The following RPIA variants were observed in gnomAD, a reference collection of about 807,000 sequenced individuals.
The protein encoded by RPIA is ribose-5-phosphate isomerase.
A neutral mutation model predicts 37.8 loss-of-function variants in RPIA; 29 were observed. That is an observed-to-expected ratio of 0.77 (90% CI 0.57 to 1.05). RPIA has a LOEUF of 1.05. RPIA is among the 50% of genes least tolerant of loss of function. RPIA has a pLI of 0.00. For synonymous variants in RPIA, 167 were observed against 157.0 expected, an observed-to-expected ratio of 1.06 and a Z score of -0.48; for missense variants, 385 against 413.6, an observed-to-expected ratio of 0.93 and a Z score of 0.60.
intron 3 of RPIA, among the ~76,000 whole-genome samples, chr2:88,724,124 G>T (rs1673167914): frequency 6.6e-6 from 1 of 152,034 alleles, no homozygotes; most frequent in African/African-American, 2.4e-5. Flanking sequence ...TCCTTTCACA[G>T]TTTTATGTCT....
At chr2:88,729,144 C>CTCAT in intron 3 of RPIA, 134 bp from the exon 4 acceptor site, 5 of 889,690 alleles carry the variant, frequency 5.6e-6, no homozygotes, top group Non-Finnish European at 9.1e-6. Context: ...GATCTCCTAC[C>CTCAT]TCATGGTGGG....
At chr2:88,698,667 G>A in intron 2 of RPIA, 123 bp downstream of exon 2, 2 of 872,230 alleles carry the variant, frequency 2.3e-6, no homozygotes, top group African/African-American at 3.3e-5. Flanking sequence ...TACAGAGCTG[G>A]AGAGAGGGAC....
At chr2:88,706,950 A>G (rs1291590530) in intron 3 of RPIA, among the ~76,000 whole-genome samples, 3 of 152,236 alleles carry the variant, frequency 2.0e-5, no homozygotes, top group Non-Finnish European at 4.4e-5. Flanking sequence ...CTGTAAGAGT[A>G]CAGTGAATTA....
intron 8 of RPIA, among the ~76,000 whole-genome samples, chr2:88,746,352 C>T (rs1325492127): frequency 6.6e-6 from 1 of 152,130 alleles, no homozygotes; most frequent in Non-Finnish European, 1.5e-5. Context: ...GTCGTATTAC[C>T]AGAATTTGTT....
chr2:88,699,925 C>T, intron 2 of RPIA, 84 bp from the exon 3 acceptor site: 3 of 1,417,558 alleles, frequency 2.1e-6, no homozygotes, highest in African/African-American at 1.4e-5. Context: ...CTTCCCTTGT[C>T]TGTTGGTTTC....
Position 88,738,063 on chromosome 2 carries a change from C to G in RPIA, c.825C>G (p.Ile275Met). Residue 275 changes from isoleucine (I) to methionine (M), a missense_variant, in exon 8 of 9, where the codon ATC becomes ATG. Around this residue, in one of 2 missense-constraint regions of RPIA, gnomAD observed 153 missense variants for 210.6 expected, o/e 0.73. Transcript: ENST00000283646. ...AATGGAGTGAAGTGAATACAGCTATCAAAATGATCCCAGGTAACATGAGTG... is the reference window on the plus strand; with the variant it reads ...AATGGAGTGAAGTGAATACAGCTATGAAAATGATCCCAGGTAACATGAGTG... ...VHKWSEVNTA[I>M]KMIPGVVDTG... The G allele has an allele frequency of 1.2e-6, 2 of 1,612,812 alleles. No individual in the cohort carries two copies. Among genetic ancestry groups the G allele is most frequent in the Non-Finnish European group, 1.7e-6 (2 of 1,178,860 alleles).
At chr2:88,728,460 C>T (rs546952744) in intron 3 of RPIA, among the ~76,000 whole-genome samples, 29 of 152,248 alleles carry the variant, frequency 1.9e-4, no homozygotes, top group Admixed American at 1.9e-3. Flanking sequence ...TTGTTTTTAG[C>T]AGAAAACGTT....
intron 3 of RPIA, among the ~76,000 whole-genome samples, chr2:88,703,865 T>G (rs1258247046): frequency 6.6e-6 from 1 of 152,254 alleles, no homozygotes; most frequent in Non-Finnish European, 1.5e-5. Context: ...CTTTTAAAAC[T>G]GAATGCTTTT....
intron 3 of RPIA, among the ~76,000 whole-genome samples, chr2:88,713,120 A>ATATTTT (rs1041923467): frequency 7.7e-5 from 5 of 65,290 alleles, no homozygotes; most frequent in African/African-American, 1.6e-4. Context: ...ATATATATAT[A>ATATTTT]TTTTTTTTTT....
rs531535857 is a variant in RPIA, at chr2:88,707,988, T to C, written c.402+7924T>C. ...TTGATGTCAGGGTTCCAGTATCTTC[T>C]TGATATTGAAAAAATGTTTGTCCTA... On this transcript the variant is annotated intron_variant, in intron 3 of 8. Transcript: ENST00000283646. Among the ~76,000 whole-genome samples the C allele has an allele frequency of 2.2e-4, 34 of 152,336 alleles. No individual in the cohort carries two copies. In the South Asian group the frequency reaches 7.0e-3, roughly 32 times the overall value.
chr2:88,700,343 A>G (rs1240919882), intron 3 of RPIA, among the ~76,000 whole-genome samples: 3 of 152,184 alleles, frequency 2.0e-5, no homozygotes, highest in African/African-American at 7.2e-5. Context: ...TATTACTCCT[A>G]TTTATAGGTG....
chr2:88,729,241 G>A, intron 3 of RPIA, 37 bp from the exon 4 acceptor site: 3 of 1,608,156 alleles, frequency 1.9e-6, no homozygotes, highest in Non-Finnish European at 2.6e-6. Context: ...ATGAACTCAA[G>A]TAAATGATCG....
chr2:88,739,801 A>G (rs1211938422), intron 8 of RPIA, among the ~76,000 whole-genome samples: 1 of 152,140 alleles, frequency 6.6e-6, no homozygotes, highest in Non-Finnish European at 1.5e-5. Flanking sequence ...AATTTTTTAT[A>G]GAAACGGGGT....
At chr2:88,713,207 G>A (rs545668574) in intron 3 of RPIA, among the ~76,000 whole-genome samples, 2 of 108,284 alleles carry the variant, frequency 1.8e-5, no homozygotes, top group South Asian at 6.8e-4. Context: ...TGTCACCCAC[G>A]CTGGAGTGCA....
At chr2:88,698,663 G>A (rs1672789267) in intron 2 of RPIA, 119 bp downstream of exon 2, 2 of 889,562 alleles carry the variant, frequency 2.2e-6, no homozygotes, top group Admixed American at 3.4e-5. Flanking sequence ...GCAGTACAGA[G>A]CTGGAGAGAG....
Position 88,750,127 on chromosome 2 carries a change from A to G in RPIA, c.*49A>G. The G allele has an allele frequency of 1.5e-6, 2 of 1,321,494 alleles. No individual in the cohort carries two copies. Among genetic ancestry groups the G allele is most frequent in the Non-Finnish European group, 2.2e-6 (2 of 919,230 alleles). 81.9% of individuals were successfully genotyped at this position (1,321,494 alleles called of 1,614,324 possible). A position where few individuals can be genotyped will look rare whatever the true frequency, so the allele number is the denominator to read the frequency against. On this transcript the variant is annotated 3_prime_UTR_variant, in exon 9 of 9. Transcript: ENST00000283646. ...CACCTTGAGTCTCCAGCCCACAGCC[A>G]AGGTGGACGTACCTCTCCAGGAGCC...
intron 3 of RPIA, among the ~76,000 whole-genome samples, chr2:88,702,740 G>A (rs1672847170): frequency 6.6e-6 from 1 of 152,204 alleles, no homozygotes; most frequent in South Asian, 2.1e-4. Context: ...CAAATCTCAT[G>A]TCCTTGCATT....
chr2:88,701,362 A>G (rs1672829222), intron 3 of RPIA, among the ~76,000 whole-genome samples: 1 of 151,672 alleles, frequency 6.6e-6, no homozygotes, highest in Non-Finnish European at 1.5e-5. Context: ...AATTTTTCCA[A>G]CTGGCTTGAT....
chr2:88,716,326 A>G (rs1673036479), intron 3 of RPIA, among the ~76,000 whole-genome samples: 1 of 152,166 alleles, frequency 6.6e-6, no homozygotes. Context: ...ATGTCTCCCT[A>G]AAACGTGTAA....
Sources: allele counts gnomAD v4.1 joint callset (sites outside exome capture counted in the v4.1 genomes callset), GRCh38; gene constraint gnomAD v4.1.1; regional missense constraint gnomAD v4.1.1; transcripts MANE v1.5; gene names NCBI Gene and HGNC (gene_info 2026-07-23, HGNC 2026-07-21).